DBR1: variants seen among roughly 807,000 people sequenced by gnomAD.
The protein encoded by DBR1 is debranching RNA lariats 1.
In DBR1, 33 loss-of-function variants were observed where a neutral mutation model predicts 45.9. The observed-to-expected ratio is 0.72, with a 90% CI of 0.55 to 0.96. DBR1 has a LOEUF of 0.96. Among genes scored for constraint, DBR1 ranks in the 40% least tolerant of loss-of-function variants. The pLI is 0.00. For synonymous variants in DBR1, 235 were observed against 235.9 expected (o/e 1.00, Z 0.04); for missense variants, 619 against 667.4 (o/e 0.93, Z 0.80).
chr3:138,165,888 T>C (rs2042928511), intron 5 of DBR1, among the ~76,000 whole-genome samples: 1 of 152,214 alleles, frequency 6.6e-6, no homozygotes, highest in Non-Finnish European at 1.5e-5. Flanking sequence ...AAACATATTA[T>C]TAATGCAGAG....
At chr3:138,164,252 G>C (rs2042920492) in intron 5 of DBR1, 1 of 154,718 alleles carries the variant, frequency 6.5e-6, no homozygotes, top group Non-Finnish European at 1.4e-5. Context: ...TGTAACTCTG[G>C]GTTAGGCAAA....
At chr3:138,171,889 T>C (rs929600931) in intron 2 of DBR1, among the ~76,000 whole-genome samples, 176 bp from the exon 3 acceptor site, 10 of 152,172 alleles carry the variant, frequency 6.6e-5, no homozygotes, top group African/African-American at 2.4e-4. Context: ...TAGGGATATA[T>C]TATAACAGTA....
chr3:138,174,914 A>G lies in DBR1; in HGVS notation c.-119T>C, dbSNP rs2042973010. 1 of 878,260 alleles carries G rather than the reference A, an allele frequency of 1.1e-6. No individual in the cohort carries two copies. Among genetic ancestry groups the G allele is most frequent in the South Asian group, 1.8e-5 (1 of 56,542 alleles). 54.4% of individuals were successfully genotyped at this position (878,260 alleles called of 1,614,324 possible). On this transcript the variant is annotated 5_prime_UTR_variant, in exon 1 of 8. Coordinates refer to ENST00000260803, the MANE Select transcript of DBR1 (RefSeq NM_016216.4). ...AAGTATAGCCACCGCCTGGGTGTAG[A>G]CTCCTGCAAAATAATTCACTTCCGG...
intron 7 of DBR1, among the ~76,000 whole-genome samples, chr3:138,162,984 A>G (rs2042914704): frequency 2.0e-5 from 3 of 152,236 alleles, no homozygotes; most frequent in African/African-American, 4.8e-5. Flanking sequence ...GAGGCCAGAT[A>G]CAGCAGCTCA....
chr3:138,171,633 C>A lies in DBR1; in HGVS notation c.403G>T (p.Gly135Cys), dbSNP rs771120540. 2 of 1,609,160 alleles carry A rather than the reference C, an allele frequency of 1.2e-6. No homozygotes were observed. The highest frequency in any genetic ancestry group is 1.3e-5 in the African/African-American group (1 of 74,892). ...TTAAAAATAATTCTCAAAACAATACCTTTTCGATAGTCATGAGATTTAAAG... is the reference window on the plus strand; with the variant it reads ...TTAAAAATAATTCTCAAAACAATACATTTTCGATAGTCATGAGATTTAAAG... ...GIFKSHDYRK[G>C]HFECPPYNSS... The change falls in exon 3 of 8, where the codon GGT (glycine) becomes TGT (cysteine). Residue 135 changes from glycine (G) to cysteine (C), a missense_variant and splice_region_variant. Gly to Cys is a radical substitution (Grantham distance 159). This residue lies in a region of DBR1 where 430 missense variants were observed against 447.7 expected (regional missense o/e 0.96). Coordinates refer to ENST00000260803, the MANE Select transcript of DBR1 (RefSeq NM_016216.4).
Position 138,174,769 on chromosome 3 carries a change from G to A in DBR1, c.27C>T (p.Cys9=). 6.2e-7 allele frequency: 1 copy of A among 1,611,088 alleles called. No individual in the cohort carries two copies. The highest frequency in any genetic ancestry group is 8.5e-7 in the Non-Finnish European group (1 of 1,179,528). ...CATAGATCTTATCCAGCTCGCCGTGGCAGCAGCCAGCCACAGCCACCCGCA... is the reference window on the plus strand; with the variant it reads ...CATAGATCTTATCCAGCTCGCCGTGACAGCAGCCAGCCACAGCCACCCGCA... MRVAVAGC[C]HGELDKIYET... The change falls in exon 1 of 8, where the codon TGC becomes TGT. Residue 9 remains cysteine, a synonymous_variant. Coordinates refer to ENST00000260803, the MANE Select transcript of DBR1 (RefSeq NM_016216.4).
At chr3:138,172,167 T>C (rs1333515380) in intron 2 of DBR1, among the ~76,000 whole-genome samples, 2 of 152,190 alleles carry the variant, frequency 1.3e-5, no homozygotes, top group African/African-American at 2.4e-5. Flanking sequence ...CACAATATTG[T>C]AATATAGGAT....
chr3:138,169,916 T>C lies in DBR1; in HGVS notation c.489+191A>G, dbSNP rs185982424. The stretch of plus-strand genomic sequence containing the variant: ...CCACTGCACTTCAGCCTGGGTGACA[T>C]AGTGAGACTCTGTCTCAAAAAAAGA... On this transcript the variant is annotated intron_variant, in intron 4 of 7. Transcript: ENST00000260803. Among the ~76,000 whole-genome samples, 812 of 151,574 alleles carry C rather than the reference T, an allele frequency of 5.4e-3. 4 individuals carry two copies. Among genetic ancestry groups the C allele is most frequent in the Non-Finnish European group, 6.4e-3 (433 of 67,926 alleles).
At chr3:138,167,002 T>G (rs1256074677) in intron 5 of DBR1, 79 bp downstream of exon 5, 1 of 1,317,560 alleles carries the variant, frequency 7.6e-7, no homozygotes, top group Admixed American at 2.0e-5. Context: ...TACTTCTTTC[T>G]CTAACTTTAC....
chr3:138,162,232 A>C lies in DBR1; in HGVS notation c.1292T>G (p.Leu431Ter), dbSNP rs1301489383. The change falls in exon 8 of 8, where the codon TTA (leucine) becomes TGA (stop). Residue 431 changes from leucine (L) to a stop codon, truncating the protein, a stop_gained. Transcript: ENST00000260803. LOFTEE classifies it high-confidence loss of function. The part of the protein sequence containing the change: ...LSSINPDEIM[L>*]DEEEDEDSIV... Reference sequence around the variant, plus strand: ...ACTATCTTCATCTTCTTCTTCATCTAACATTATTTCATCTGGATTAATAGA... The same window carrying C: ...ACTATCTTCATCTTCTTCTTCATCTCACATTATTTCATCTGGATTAATAGA... The C allele has an allele frequency of 6.2e-7, 1 of 1,614,144 alleles. No homozygotes were observed. The highest frequency in any genetic ancestry group is 8.5e-7 in the Non-Finnish European group (1 of 1,180,026).
rs190876864 is a variant in DBR1, at chr3:138,164,120, C to A, written c.715-262G>T. 65 of 260,580 alleles carry A rather than the reference C, an allele frequency of 2.5e-4. 1 individual carries two copies. The highest frequency in any genetic ancestry group is 1.3e-3 in the African/African-American group (59 of 45,124). 16.1% of individuals were successfully genotyped at this position (260,580 alleles called of 1,614,324 possible). On this transcript the variant is annotated intron_variant, in intron 5 of 7. Coordinates refer to ENST00000260803, the MANE Select transcript of DBR1 (RefSeq NM_016216.4). ...TGATGATGATGATGTTAACTCAAAG[C>A]ATTGAACACACATAAATCAAAGCAT... is the stretch of plus-strand genomic sequence containing the variant.
Position 138,171,684 on chromosome 3 carries a change from C to T in DBR1, c.352G>A (p.Val118Ile), listed in dbSNP as rs776405485. 2 of 1,613,624 alleles carry T rather than the reference C, an allele frequency of 1.2e-6. No homozygotes were observed. Among genetic ancestry groups the T allele is most frequent in the Non-Finnish European group, 1.7e-6 (2 of 1,179,650 alleles). ...GLAGVVKYRG[V>I]RIGGISGIFK... ...ATACCAGAGATTCCACCGATCCTTA[C>T]ACCTCGGTATTTTACCACACCAGCC... The change falls in exon 3 of 8, where the codon GTA becomes ATA. Residue 118 changes from valine (V) to isoleucine (I), a missense_variant. Physicochemically the swap from Val to Ile is conservative, Grantham distance 29 (BLOSUM62 3). Around this residue, in one of 3 missense-constraint regions of DBR1, gnomAD observed 430 missense variants for 447.7 expected, o/e 0.96. Transcript: ENST00000260803.
In DBR1 at chr3:138,162,050, T is replaced by A; in HGVS notation, c.1474A>T (p.Lys492Ter). ...CCTGACTCCACAGTCCCACCAGGTT[T>A]CCCCTCTCTATCAATTGTGGAATCC... Reference protein sequence around the residue: ...TVDSTIDREGKPGGTVESGNG... With the variant: ...TVDSTIDREG Residue 492 changes from lysine to a stop codon, truncating the protein, a stop_gained, in exon 8 of 8, where the codon AAA becomes TAA. Coordinates refer to ENST00000260803, the MANE Select transcript of DBR1 (RefSeq NM_016216.4). LOFTEE classifies it high-confidence loss of function. 6.2e-7 allele frequency: 1 copy of A among 1,614,116 alleles called. No homozygotes were observed. The highest frequency in any genetic ancestry group is 1.6e-4 in the Middle Eastern group (1 of 6,062).
In DBR1 at chr3:138,170,407, T is replaced by G. The variant is rs1003617292; in HGVS notation, c.404-215A>C. On this transcript the variant is annotated intron_variant, in intron 3 of 7. Coordinates refer to ENST00000260803, the MANE Select transcript of DBR1 (RefSeq NM_016216.4). ...TATCTGCTTTCTAAGGTCCCACACA[T>G]GGTTGCTGGCACACTTCAGTTACTT... Among the ~76,000 whole-genome samples the G allele has an allele frequency of 4.2e-4, 64 of 152,200 alleles. 1 individual carries two copies. The highest frequency in any genetic ancestry group is 1.5e-5 in the Non-Finnish European group (1 of 68,034).
At chr3:138,165,553 C>T (rs771814107) in intron 5 of DBR1, among the ~76,000 whole-genome samples, 4 of 151,930 alleles carry the variant, frequency 2.6e-5, no homozygotes, top group Non-Finnish European at 4.4e-5. Flanking sequence ...CACAGTGAAA[C>T]GCCGTCTCTA....
rs777706951 is a variant in DBR1, at chr3:138,161,852, A to G, written c.*37T>C. ...CAAGAGTGAAACTCCATCTCAAAAA[A>G]ACAAAACAAACACAAAAACAAAACA... is the stretch of plus-strand genomic sequence containing the variant. On this transcript the variant is annotated 3_prime_UTR_variant, in exon 8 of 8. Transcript: ENST00000260803. 1 of 1,547,422 alleles carries G rather than the reference A, an allele frequency of 6.5e-7. No individual in the cohort carries two copies. The highest frequency in any genetic ancestry group is 8.9e-7 in the Non-Finnish European group (1 of 1,124,370).
Position 138,168,889 on chromosome 3 carries a change from T to C in DBR1, c.489+1218A>G, listed in dbSNP as rs572885338. ...GGGAGGATCACCCAAGCCTGGCAGA[T>C]TGAGGCTGCAGTGAGTCAAGCCATG... is the stretch of plus-strand genomic sequence containing the variant. On this transcript the variant is annotated intron_variant, in intron 4 of 7. Coordinates refer to ENST00000260803, the MANE Select transcript of DBR1 (RefSeq NM_016216.4). Among the ~76,000 whole-genome samples the C allele has an allele frequency of 6.6e-5, 10 of 151,936 alleles. No homozygotes were observed. In the East Asian group the frequency reaches 1.7e-3, roughly 27 times the overall value.
chr3:138,163,636 A>C, intron 6 of DBR1, 142 bp from the exon 7 acceptor site: 1 of 719,710 alleles, frequency 1.4e-6, no homozygotes, highest in Non-Finnish European at 2.0e-6. Flanking sequence ...TTTAATTTTA[A>C]ATTAATAAGT....
rs952633554 is a variant in DBR1 at position 138,161,950 on chromosome 3, A to T, written c.1574T>A (p.Ile525Asn). ...DEHEPEQRKK[I>N]KRRNQAIYAA... Reference sequence around the variant, plus strand: ...GTAAATGGCTTGATTCCTCCTCTTAATTTTCTTTCTTTGTTCAGGTTCATG... The same window carrying T: ...GTAAATGGCTTGATTCCTCCTCTTATTTTTCTTTCTTTGTTCAGGTTCATG... Residue 525 changes from isoleucine (I) to asparagine (N), a missense_variant, in exon 8 of 8, where the codon ATT (isoleucine) becomes AAT (asparagine). Physicochemically the swap from Ile to Asn is moderately radical, Grantham distance 149. Around this residue, in one of 3 missense-constraint regions of DBR1, gnomAD observed 182 missense variants for 196.1 expected, o/e 0.93. Transcript: ENST00000260803. The T allele has an allele frequency of 1.2e-6, 2 of 1,613,758 alleles. No individual in the cohort carries two copies. Among genetic ancestry groups the T allele is most frequent in the African/African-American group, 2.7e-5 (2 of 74,808 alleles).
Sources: gnomAD v4.1 joint callset for allele counts (sites outside exome capture counted in the v4.1 genomes callset) on GRCh38, gnomAD v4.1.1 for gene constraint, gnomAD v4.1.1 regional missense constraint, MANE v1.5 for transcripts, NCBI Gene and HGNC (gene_info 2026-07-23, HGNC 2026-07-21) for gene names.